MOB1B: variants seen among roughly 807,000 people sequenced by gnomAD.
The protein encoded by MOB1B is MOB1 Mps One Binder homolog B.
In MOB1B, 19 loss-of-function variants were observed where a neutral mutation model predicts 24.4. That is an observed-to-expected ratio of 0.78 (90% CI 0.54 to 1.14). The LOEUF (loss-of-function observed/expected upper bound fraction) is 1.14. Among genes scored for constraint, MOB1B ranks in the 50% most tolerant of loss-of-function variants. MOB1B has a pLI of 0.00. For synonymous variants in MOB1B, 76 were observed against 82.1 expected (o/e 0.93, Z 0.40); for missense variants, 243 against 259.6 (o/e 0.94, Z 0.44).
intron 1 of MOB1B, among the ~76,000 whole-genome samples, chr4:70,910,271 C>A (rs1011765731): frequency 6.6e-6 from 1 of 151,970 alleles, no homozygotes; most frequent in Non-Finnish European, 1.5e-5. Context: ...GAACTCCTGG[C>A]CTCAAGCAAT....
At position 70,926,869 on chromosome 4, in the gene MOB1B, C is replaced by T. The variant is rs575439521; in HGVS notation, c.14+24319C>T. Among the ~76,000 whole-genome samples, 13 of 151,926 alleles carry T rather than the reference C, an allele frequency of 8.6e-5. No individual in the cohort carries two copies. In the East Asian group the frequency reaches 1.4e-3, roughly 16 times the overall value. On this transcript the variant is annotated intron_variant, in intron 1 of 5. Transcript: ENST00000309395. ...AAAATTAGCCGGGCGTGGTGGTGGG[C>T]GCCTGTAGTCCCATCTACTTGGGAG...
rs1404538577 is a variant in MOB1B, at chr4:70,982,265, A to G, written c.*208A>G. The G allele has an allele frequency of 2.6e-6, 1 of 388,876 alleles. No homozygotes were observed. The highest frequency in any genetic ancestry group is 4.6e-6 in the Non-Finnish European group (1 of 216,916). 24.1% of individuals were successfully genotyped at this position (388,876 alleles called of 1,614,324 possible). A position where few individuals can be genotyped will look rare whatever the true frequency, so the allele number is the denominator to read the frequency against. On this transcript the variant is annotated 3_prime_UTR_variant, in exon 6 of 6. Coordinates refer to ENST00000309395, the MANE Select transcript of MOB1B (RefSeq NM_173468.4). ...AGAACCATTCTCTATACACTTGATA[A>G]GGGTAAATTTATCTTAGTGTTTTTA... is the stretch of plus-strand genomic sequence containing the variant.
At chr4:70,911,651 G>A (rs1347145745) in intron 1 of MOB1B, among the ~76,000 whole-genome samples, 1 of 152,050 alleles carries the variant, frequency 6.6e-6, no homozygotes, top group Non-Finnish European at 1.5e-5. Flanking sequence ...CTTTCTCTAA[G>A]TGTAGTTGCA....
chr4:70,933,945 C>T (rs998002891), intron 1 of MOB1B, among the ~76,000 whole-genome samples: 3 of 152,068 alleles, frequency 2.0e-5, no homozygotes, highest in African/African-American at 7.2e-5. Context: ...CCAACACTTT[C>T]TGAGGCCGAG....
At chr4:70,954,760 C>CT (rs1255259750) in intron 1 of MOB1B, among the ~76,000 whole-genome samples, 2 of 122,552 alleles carry the variant, frequency 1.6e-5, no homozygotes, top group East Asian at 2.7e-4. Flanking sequence ...GGCCGATTTT[C>CT]TTTTTTTGGA....
intron 1 of MOB1B, among the ~76,000 whole-genome samples, chr4:70,946,441 T>TC (rs1472776349): frequency 6.6e-6 from 1 of 152,120 alleles, no homozygotes; most frequent in Non-Finnish European, 1.5e-5. Flanking sequence ...TAACCCACGA[T>TC]CTAGTGAAAG....
rs776632688 is a variant in MOB1B at position 70,982,007 on chromosome 4, C to T, written c.601C>T (p.Leu201Phe). The T allele has an allele frequency of 1.9e-6, 3 of 1,612,034 alleles. No homozygotes were observed. The highest frequency in any genetic ancestry group is 4.5e-5 in the East Asian group (2 of 44,836). ...QEFNLIDRRELAPLQELIEKL... is the reference protein window; with the variant it reads ...QEFNLIDRREFAPLQELIEKL... Reference sequence around the variant, plus strand: ...ATTCAACCTTATTGATAGAAGAGAACTTGCACCACTCCAAGAACTGATTGA... The same window carrying T: ...ATTCAACCTTATTGATAGAAGAGAATTTGCACCACTCCAAGAACTGATTGA... The change falls in exon 6 of 6, where the codon CTT becomes TTT. Residue 201 changes from leucine (L) to phenylalanine (F), a missense_variant. Transcript: ENST00000309395.
intron 1 of MOB1B, among the ~76,000 whole-genome samples, chr4:70,911,751 T>C (rs180993916): frequency 1.3e-5 from 2 of 152,290 alleles, no homozygotes; most frequent in Admixed American, 1.3e-4. Context: ...TTAGGAGATA[T>C]TGAGGCAAAA....
intron 1 of MOB1B, among the ~76,000 whole-genome samples, chr4:70,929,876 G>A (rs969393591): frequency 1.3e-5 from 2 of 151,634 alleles, no homozygotes; most frequent in African/African-American, 2.4e-5. Context: ...CTTGTGATCC[G>A]CCCGCCTCGG....
intron 1 of MOB1B, among the ~76,000 whole-genome samples, chr4:70,915,729 G>A (rs1341497346): frequency 2.0e-5 from 3 of 151,590 alleles, no homozygotes; most frequent in South Asian, 2.1e-4. Flanking sequence ...GAGGGGGACC[G>A]TTGGTCTTTT....
At chr4:70,978,287 A>C (rs761395635) in intron 4 of MOB1B, among the ~76,000 whole-genome samples, 1 of 152,186 alleles carries the variant, frequency 6.6e-6, no homozygotes, top group East Asian at 1.9e-4. Context: ...ATAATATTTC[A>C]TTGTGTATAT....
intron 1 of MOB1B, among the ~76,000 whole-genome samples, chr4:70,931,287 C>A (rs1736881112): frequency 6.6e-6 from 1 of 152,190 alleles, no homozygotes; most frequent in Admixed American, 6.5e-5. Context: ...CAGTTACATT[C>A]TGAAAGAATA....
At chr4:70,950,955 T>G in intron 1 of MOB1B, 1 of 601,908 alleles carries the variant, frequency 1.7e-6, no homozygotes, top group South Asian at 1.9e-5. Context: ...GAGACCCTGG[T>G]TCTGTCATTT....
intron 5 of MOB1B, 77 bp downstream of exon 5, chr4:70,979,368 C>T: frequency 5.3e-6 from 6 of 1,142,680 alleles, no homozygotes; most frequent in Non-Finnish European, 7.6e-6. Flanking sequence ...ACTGTATTCA[C>T]ACTGTCAGGA....
At chr4:70,923,311 C>T (rs1192413021) in intron 1 of MOB1B, among the ~76,000 whole-genome samples, 2 of 152,114 alleles carry the variant, frequency 1.3e-5, no homozygotes, top group Admixed American at 6.5e-5. Flanking sequence ...GAGCATCCTC[C>T]TATGGGGTCC....
chr4:70,924,630 G>A (rs944454480), intron 1 of MOB1B, among the ~76,000 whole-genome samples: 3 of 151,960 alleles, frequency 2.0e-5, no homozygotes, highest in African/African-American at 2.4e-5. Context: ...TATCCCTCCC[G>A]AAGTCCCCCA....
chr4:70,957,601 C>A (rs1036396479), intron 1 of MOB1B, among the ~76,000 whole-genome samples: 1 of 151,932 alleles, frequency 6.6e-6, no homozygotes, highest in African/African-American at 2.4e-5. Flanking sequence ...TCACACCTGG[C>A]TTAATTTTTA....
At chr4:70,904,141 C>T (rs952038310) in intron 1 of MOB1B, among the ~76,000 whole-genome samples, 1 of 151,492 alleles carries the variant, frequency 6.6e-6, no homozygotes, top group African/African-American at 2.4e-5. Flanking sequence ...CGCCACCACG[C>T]CTGGCTAATT....
chr4:70,940,802 G>C (rs919605291), intron 1 of MOB1B, among the ~76,000 whole-genome samples: 4 of 151,094 alleles, frequency 2.6e-5, no homozygotes, highest in African/African-American at 9.7e-5. Context: ...TCAGCCTCCC[G>C]AGTAGCTGGG....
Sources: gnomAD v4.1 joint callset for allele counts (sites outside exome capture counted in the v4.1 genomes callset) on GRCh38, gnomAD v4.1.1 for gene constraint, MANE v1.5 for transcripts, NCBI Gene and HGNC (gene_info 2026-07-23, HGNC 2026-07-21) for gene names.